The following NTMT1 variants were observed in gnomAD, a reference collection of about 807,000 sequenced individuals.
The protein encoded by NTMT1 is N-terminal RCC1 methyltransferase.
In NTMT1, 8 loss-of-function variants were observed where a neutral mutation model predicts 17.5. The ratio of observed to expected loss-of-function variants is 0.46; its 90% CI spans 0.27 to 0.82. NTMT1 has a LOEUF of 0.82. Ranked by LOEUF, NTMT1 falls within the 40% of genes least tolerant of loss-of-function variation. The pLI, the probability that NTMT1 is intolerant of heterozygous loss-of-function variation, is 0.15. For missense variants in NTMT1, 221 were observed against 303.5 expected (o/e 0.73, Z 2.02); for synonymous variants, 128 against 126.8 (o/e 1.01, Z -0.06).
chr9:129,619,848 C>T, intron 1 of NTMT1: 1 of 1,612,344 alleles, frequency 6.2e-7, no homozygotes, highest in Non-Finnish European at 8.5e-7. Context: ...CAGGAGGAAA[C>T]AGTTGTGAGC....
intron 1 of NTMT1, among the ~76,000 whole-genome samples, chr9:129,615,842 C>T (rs1436930646): frequency 6.6e-6 from 1 of 152,242 alleles, no homozygotes; most frequent in East Asian, 1.9e-4. Context: ...CGCACATACA[C>T]CAACCCACCA....
intron 1 of NTMT1, among the ~76,000 whole-genome samples, chr9:129,609,425 G>A (rs1223911680): frequency 1.3e-5 from 2 of 152,124 alleles, no homozygotes; most frequent in African/African-American, 2.4e-5. Context: ...AATGGCAGGC[G>A]TGGGGTTGGA....
At chr9:129,629,895 TTTGGGGC>T (rs1314037913) in intron 1 of NTMT1, among the ~76,000 whole-genome samples, 6 of 151,716 alleles carry the variant, frequency 4.0e-5, no homozygotes, top group African/African-American at 1.5e-4. Flanking sequence ...AGCCCAGGAG[TTTGGGGC>T]CAGCCTGGGC....
At chr9:129,619,499 C>G in intron 1 of NTMT1, 3 of 1,573,238 alleles carry the variant, frequency 1.9e-6, no homozygotes, top group Non-Finnish European at 2.6e-6. Context: ...CTACCCTACC[C>G]TTATCCCGCC....
upstream of NTMT1, among the ~76,000 whole-genome samples, chr9:129,621,368 G>A (rs972235025): frequency 6.6e-6 from 1 of 152,056 alleles, no homozygotes; most frequent in Admixed American, 6.6e-5. Context: ...AAAGAGATGG[G>A]GTCTTGCTAA....
upstream of NTMT1, among the ~76,000 whole-genome samples, chr9:129,624,884 T>TC (rs1830844065): frequency 6.6e-6 from 1 of 152,188 alleles, no homozygotes; most frequent in South Asian, 2.1e-4. Flanking sequence ...TGCCTTGGCC[T>TC]CCCAAAATGC....
chr9:129,619,572 C>G (rs1202708654), intron 1 of NTMT1: 1 of 1,613,984 alleles, frequency 6.2e-7, no homozygotes, highest in East Asian at 2.2e-5. Context: ...TTCAGGGGCC[C>G]CAGAATAGGT....
In NTMT1 at chr9:129,620,387, G is replaced by A; in HGVS notation, c.-55+11209G>A. 8.1e-7 allele frequency: 1 copy of A among 1,231,750 alleles called. No homozygotes were observed. The highest frequency in any genetic ancestry group is 4.3e-5 in the Admixed American group (1 of 23,478). The allele number at this position is 1,231,750 out of a possible 1,614,324, so 76.3% of individuals were successfully genotyped here. A position where few individuals can be genotyped will look rare whatever the true frequency, so the allele number is the denominator to read the frequency against. ...CACCCCGGGCTTGGCGTCCCCTTCC[G>A]GCCACCACGCGGCGCCGCCCCCCGG... On this transcript the variant is annotated intron_variant, in intron 1 of 3. Transcript: ENST00000372486. The surrounding 1 kb of genome is among the most constrained non-coding windows in gnomAD (Gnocchi z 5.8).
intron 1 of NTMT1, chr9:129,615,487 A>G: frequency 6.3e-7 from 1 of 1,590,996 alleles, no homozygotes; most frequent in Non-Finnish European, 8.5e-7. Flanking sequence ...TGCTTACCTG[A>G]GCGTCTGCGC....
upstream of NTMT1, among the ~76,000 whole-genome samples, chr9:129,622,213 C>T (rs547593992): frequency 2.0e-5 from 3 of 152,246 alleles, no homozygotes; most frequent in East Asian, 3.9e-4. Context: ...ACAGACCCTG[C>T]GGGGCACGGT....
chr9:129,611,431 C>T (rs543210853), intron 1 of NTMT1, among the ~76,000 whole-genome samples: 15 of 152,368 alleles, frequency 9.8e-5, no homozygotes, highest in African/African-American at 3.6e-4. Context: ...TGAACATCCA[C>T]CCCCTCATCC....
In NTMT1 at chr9:129,635,507, G is replaced by C. The variant is rs748210162; in HGVS notation, c.*43G>C. On this transcript the variant is annotated 3_prime_UTR_variant, in exon 4 of 4. Coordinates refer to ENST00000372483, the MANE Select transcript of NTMT1 (RefSeq NM_014064.4). ...AAACTGAGGAACCACAGTCCTGGTGGGGGGAGCTGGCAGCTGGGCAAGATC... is the reference window on the plus strand; with the variant it reads ...AAACTGAGGAACCACAGTCCTGGTGCGGGGAGCTGGCAGCTGGGCAAGATC... The C allele has an allele frequency of 1.0e-5, 16 of 1,577,020 alleles. No homozygotes were observed. In the East Asian group the frequency reaches 1.6e-4, roughly 16 times the overall value.
At position 129,614,701 on chromosome 9, in the gene NTMT1, G is replaced by A. The variant is rs890190559; in HGVS notation, c.-55+5523G>A. Among the ~76,000 whole-genome samples the A allele has an allele frequency of 6.6e-6, 1 of 152,044 alleles. No homozygotes were observed. The highest frequency in any genetic ancestry group is 1.5e-5 in the Non-Finnish European group (1 of 68,000). Reference sequence around the variant, plus strand: ...GGTGGATCCCTGAGGTCAGGAGTTCGAGACCACCCTGGTCAACATGGAGAA... The same window carrying A: ...GGTGGATCCCTGAGGTCAGGAGTTCAAGACCACCCTGGTCAACATGGAGAA... On this transcript the variant is annotated intron_variant, in intron 1 of 3. Coordinates refer to the NTMT1 transcript ENST00000372486. This position sits in a 1 kb window ranked among gnomAD's most constrained non-coding sequence, Gnocchi z 4.4.
chr9:129,613,156 G>T lies in NTMT1; in HGVS notation c.-55+3978G>T. The T allele has an allele frequency of 1.5e-5, 24 of 1,613,762 alleles. No individual in the cohort carries two copies. The highest frequency in any genetic ancestry group is 2.0e-5 in the Non-Finnish European group (24 of 1,179,998). Reference sequence around the variant, plus strand: ...CAAGAAGGCTCGGAGGCTGCTTCGCGGCCTCTGAGCAGCGGCCTTCTTCCA... The same window carrying T: ...CAAGAAGGCTCGGAGGCTGCTTCGCTGCCTCTGAGCAGCGGCCTTCTTCCA... On this transcript the variant is annotated intron_variant, in intron 1 of 3. Coordinates refer to the NTMT1 transcript ENST00000372486. This position sits in a 1 kb window ranked among gnomAD's most constrained non-coding sequence, Gnocchi z 6.2.
upstream of NTMT1, among the ~76,000 whole-genome samples, chr9:129,623,745 G>T (rs1370374775): frequency 1.1e-4 from 13 of 118,290 alleles, no homozygotes; most frequent in Admixed American, 1.1e-3. Flanking sequence ...AGATATTTTT[G>T]TATTTATTTA....
intron 1 of NTMT1, chr9:129,615,502 A>G: frequency 1.2e-6 from 2 of 1,603,564 alleles, no homozygotes; most frequent in Non-Finnish European, 1.7e-6. Flanking sequence ...CTGCGCTCCC[A>G]GTAGCGGAGC....
At position 129,635,589 on chromosome 9, in the gene NTMT1, C is replaced by A; in HGVS notation, c.*125C>A. Reference sequence around the variant, plus strand: ...AGGCACCACTAAATATAGCTGTCTGCCGTCCACTCATTATGCGGGCTCTTC... The same window carrying A: ...AGGCACCACTAAATATAGCTGTCTGACGTCCACTCATTATGCGGGCTCTTC... On this transcript the variant is annotated 3_prime_UTR_variant, in exon 4 of 4. Coordinates refer to ENST00000372483, the MANE Select transcript of NTMT1 (RefSeq NM_014064.4). 8.5e-7 allele frequency: 1 copy of A among 1,176,812 alleles called. No homozygotes were observed. The highest frequency in any genetic ancestry group is 1.2e-6 in the Non-Finnish European group (1 of 836,174). The allele number at this position is 1,176,812 out of a possible 1,614,324, so 72.9% of individuals were successfully genotyped here.
In NTMT1 at chr9:129,620,502, G is replaced by A; in HGVS notation, c.-55+11324G>A. ...GGCAGCCGCGGGTCGCTGCTGCGTC[G>A]GAAGTCTCCGTCGCCAGGGAGCCCC... is the stretch of plus-strand genomic sequence containing the variant. On this transcript the variant is annotated intron_variant, in intron 1 of 3. Coordinates refer to the NTMT1 transcript ENST00000372486. The surrounding 1 kb of genome is among the most constrained non-coding windows in gnomAD (Gnocchi z 5.8). 2 of 1,426,572 alleles carry A rather than the reference G, an allele frequency of 1.4e-6. No homozygotes were observed. Among genetic ancestry groups the A allele is most frequent in the South Asian group, 1.4e-5 (1 of 69,046 alleles). The allele number at this position is 1,426,572 out of a possible 1,614,324, so 88.4% of individuals were successfully genotyped here.
upstream of NTMT1, among the ~76,000 whole-genome samples, chr9:129,622,550 A>C (rs1380087873): frequency 6.6e-6 from 1 of 152,110 alleles, no homozygotes; most frequent in East Asian, 1.9e-4. Context: ...CTTGCTATTG[A>C]GATGTCATTT....
Sources: allele counts gnomAD v4.1 joint callset (sites outside exome capture counted in the v4.1 genomes callset), GRCh38; gene constraint gnomAD v4.1.1; non-coding constraint Gnocchi (gnomAD v3.1); transcripts MANE v1.5; gene names NCBI Gene and HGNC (gene_info 2026-07-23, HGNC 2026-07-21).